The following TMEM132D variants were observed in gnomAD, a reference collection of about 807,000 sequenced individuals.
TMEM132D encodes mature OL transmembrane protein.
Under a neutral mutation model 62.3 loss-of-function variants are expected in TMEM132D, and 21 were observed. That is an observed-to-expected ratio of 0.34 (90% confidence interval 0.24 to 0.49). TMEM132D has a LOEUF of 0.49. Ranked by LOEUF, TMEM132D falls within the 20% of genes least tolerant of loss-of-function variation. The pLI is 0.99. For missense variants in TMEM132D, 1,346 were observed against 1,402.8 expected (o/e 0.96, Z 0.65); for synonymous variants, 621 against 575.6 (o/e 1.08, Z -1.13).
intron 1 of TMEM132D, among the ~76,000 whole-genome samples, chr12:129,735,948 C>T (rs570400012): frequency 1.6e-4 from 24 of 152,284 alleles, no homozygotes; most frequent in Non-Finnish European, 2.9e-4. Flanking sequence ...AGGATGCTGA[C>T]CACCCCCAGT....
intron 4 of TMEM132D, among the ~76,000 whole-genome samples, chr12:129,234,236 G>A (rs188186587): frequency 1.3e-5 from 2 of 152,288 alleles, no homozygotes; most frequent in African/African-American, 4.8e-5. Flanking sequence ...GGAGAGAACA[G>A]GCATGGAGAA....
intron 3 of TMEM132D, among the ~76,000 whole-genome samples, chr12:129,478,507 G>C (rs969986791): frequency 2.0e-5 from 3 of 152,150 alleles, no homozygotes; most frequent in Non-Finnish European, 2.9e-5. Context: ...AAACAAGGCT[G>C]ACTTTTAAAT....
chr12:129,707,213 T>C (rs1296619697), intron 1 of TMEM132D, among the ~76,000 whole-genome samples: 10 of 148,058 alleles, frequency 6.8e-5, no homozygotes, highest in Non-Finnish European at 1.3e-4. Context: ...TATATAATAG[T>C]ATATATTATA....
At chr12:129,241,230 T>C (rs936566222) in intron 4 of TMEM132D, among the ~76,000 whole-genome samples, 5 of 144,580 alleles carry the variant, frequency 3.5e-5, no homozygotes, top group Middle Eastern at 3.4e-3. Context: ...AGACAATCCA[T>C]AGAATGGGAG....
chr12:129,796,390 G>T (rs1871561974), intron 1 of TMEM132D, among the ~76,000 whole-genome samples: 1 of 152,006 alleles, frequency 6.6e-6, no homozygotes, highest in African/African-American at 2.4e-5. Flanking sequence ...TTCATTTCTA[G>T]AAATACTTTT....
intron 3 of TMEM132D, among the ~76,000 whole-genome samples, chr12:129,479,670 G>A (rs545001012): frequency 8.3e-4 from 127 of 152,322 alleles, no homozygotes; most frequent in African/African-American, 2.6e-3. Flanking sequence ...AGTAAAGCCC[G>A]TGTGAGGGTC....
chr12:129,579,865 T>C (rs1877793339), intron 2 of TMEM132D, among the ~76,000 whole-genome samples: 1 of 152,126 alleles, frequency 6.6e-6, no homozygotes, highest in African/African-American at 2.4e-5. Context: ...ACCATCACAA[T>C]GAGAGACACA....
chr12:129,178,132 A>G (rs1351471594), intron 5 of TMEM132D, among the ~76,000 whole-genome samples: 2 of 152,186 alleles, frequency 1.3e-5, no homozygotes, highest in Non-Finnish European at 2.9e-5. Flanking sequence ...TAGTATTCCA[A>G]GGTGTGTATG....
intron 3 of TMEM132D, among the ~76,000 whole-genome samples, chr12:129,473,616 C>T (rs1221375499): frequency 1.3e-5 from 2 of 152,118 alleles, no homozygotes; most frequent in Non-Finnish European, 2.9e-5. Flanking sequence ...CATGTGTGAG[C>T]CACTGCACCT....
At chr12:129,540,149 C>T (rs1021258823) in intron 2 of TMEM132D, among the ~76,000 whole-genome samples, 2 of 152,070 alleles carry the variant, frequency 1.3e-5, no homozygotes, top group South Asian at 2.1e-4. Flanking sequence ...TTCTGCACAT[C>T]GTCTTTAGTC....
At chr12:129,758,718 G>C (rs921373109) in intron 1 of TMEM132D, among the ~76,000 whole-genome samples, 7 of 152,198 alleles carry the variant, frequency 4.6e-5, no homozygotes, top group Admixed American at 6.5e-5. Flanking sequence ...TTTTCTAAAG[G>C]GCTCCAGAAT....
At chr12:129,629,285 A>C (rs1359943773) in intron 2 of TMEM132D, among the ~76,000 whole-genome samples, 1 of 152,170 alleles carries the variant, frequency 6.6e-6, no homozygotes, top group Non-Finnish European at 1.5e-5. Context: ...CCACATTATC[A>C]GAGCCCCAGC....
rs1025788468 is a variant in TMEM132D, at chr12:129,733,304, G to GCTA, written c.80-32609_80-32607dup. Among the ~76,000 whole-genome samples the GCTA allele has an allele frequency of 2.0e-5, 3 of 152,158 alleles. No homozygotes were observed. In the South Asian group the frequency reaches 6.2e-4, roughly 32 times the overall value. On this transcript the variant is annotated intron_variant, in intron 1 of 8. Coordinates refer to ENST00000422113, the MANE Select transcript of TMEM132D (RefSeq NM_133448.3). ...TTTGCCCTTAGCCTGTAGGGTCAGTGCTAACTCTTGGTAGTTAGTGTCAGA... is the reference window on the plus strand; with the variant it reads ...TTTGCCCTTAGCCTGTAGGGTCAGTGCTACTAACTCTTGGTAGTTAGTGTCAGA...
At chr12:129,144,463 T>C (rs1402453519) in intron 5 of TMEM132D, among the ~76,000 whole-genome samples, 1 of 152,202 alleles carries the variant, frequency 6.6e-6, no homozygotes, top group Non-Finnish European at 1.5e-5. Flanking sequence ...AAGCCCAAGC[T>C]AGTCATGTGG....
chr12:129,818,281 TGC>T (rs1419421112), intron 1 of TMEM132D, among the ~76,000 whole-genome samples: 5 of 147,842 alleles, frequency 3.4e-5, no homozygotes, highest in Admixed American at 1.4e-4. Context: ...TATGTGTGTG[TGC>T]GGTGTGGGGT....
At chr12:129,788,243 TGA>T (rs1871296649) in intron 1 of TMEM132D, among the ~76,000 whole-genome samples, 1 of 152,244 alleles carries the variant, frequency 6.6e-6, no homozygotes, top group African/African-American at 2.4e-5. Context: ...AGGTAGCCTA[TGA>T]GAGCTCTAGC....
intron 5 of TMEM132D, among the ~76,000 whole-genome samples, chr12:129,093,120 A>G (rs1301686313): frequency 2.0e-5 from 3 of 152,220 alleles, no homozygotes; most frequent in Admixed American, 6.5e-5. Flanking sequence ...TGGATTTACT[A>G]GACTGGAAGA....
intron 5 of TMEM132D, among the ~76,000 whole-genome samples, chr12:129,165,304 G>A (rs968098352): frequency 7.9e-5 from 12 of 152,188 alleles, no homozygotes; most frequent in East Asian, 1.9e-4. Context: ...AGGTGTACAC[G>A]TGTCTCAAAG....
intron 2 of TMEM132D, among the ~76,000 whole-genome samples, chr12:129,589,681 T>A (rs265629): frequency 6.6e-6 from 1 of 152,000 alleles, no homozygotes; most frequent in African/African-American, 2.4e-5. Flanking sequence ...GCTTGATGAC[T>A]TGTGGGCAGG....
Sources: allele counts gnomAD v4.1 joint callset (sites outside exome capture counted in the v4.1 genomes callset), GRCh38; gene constraint gnomAD v4.1.1; transcripts MANE v1.5; gene names NCBI Gene and HGNC (gene_info 2026-07-23, HGNC 2026-07-21).